Variants in SGCD observed in about 807,000 individuals in gnomAD.
The protein encoded by SGCD is delta-sarcoglycan.
In SGCD, 18 loss-of-function variants were observed where a neutral mutation model predicts 36.6. The observed-to-expected ratio is 0.49, with a 90% confidence interval of 0.34 to 0.73. SGCD has a LOEUF of 0.73. Among genes scored for constraint, SGCD ranks in the 30% least tolerant of loss-of-function variants. SGCD has a pLI of 0.01. For synonymous variants in SGCD, 133 were observed against 130.6 expected (o/e 1.02, Z -0.12); for missense variants, 387 against 346.7 (o/e 1.12, Z -0.92).
chr5:156,026,900 G>A (rs1375386507), intron 1 of SGCD, among the ~76,000 whole-genome samples: 1 of 152,088 alleles, frequency 6.6e-6, no homozygotes, highest in African/African-American at 2.4e-5. Flanking sequence ...ACTCAGCTCT[G>A]TCATTGTAGT....
chr5:156,488,088 T>A (rs1236706337), intron 3 of SGCD, among the ~76,000 whole-genome samples: 1 of 133,774 alleles, frequency 7.5e-6, no homozygotes, highest in Non-Finnish European at 1.5e-5. Flanking sequence ...ACTTCTGAAC[T>A]TGAAGACAGG....
At chr5:156,017,033 G>T (rs1478768790) in intron 1 of SGCD, among the ~76,000 whole-genome samples, 1 of 152,154 alleles carries the variant, frequency 6.6e-6, no homozygotes, top group Non-Finnish European at 1.5e-5. Context: ...ATACGAGGGT[G>T]CCTATTTTTC....
intron 3 of SGCD, among the ~76,000 whole-genome samples, chr5:156,380,263 C>T (rs1770907353): frequency 6.6e-6 from 1 of 152,174 alleles, no homozygotes; most frequent in South Asian, 2.1e-4. Context: ...ATGTACTGCA[C>T]ACCTTACCAA....
chr5:156,172,394 C>G (rs1763366561), intron 3 of SGCD, among the ~76,000 whole-genome samples: 1 of 152,236 alleles, frequency 6.6e-6, no homozygotes, highest in Admixed American at 6.5e-5. Flanking sequence ...CTGCTCTCAA[C>G]GAGGAAGTCG....
At chr5:156,396,513 A>C (rs972483158) in intron 3 of SGCD, among the ~76,000 whole-genome samples, 2 of 152,082 alleles carry the variant, frequency 1.3e-5, no homozygotes, top group African/African-American at 4.8e-5. Context: ...AAAATATTTC[A>C]TGCCCTTGTT....
intron 3 of SGCD, among the ~76,000 whole-genome samples, chr5:156,505,031 G>A (rs542569323): frequency 2.0e-5 from 3 of 152,192 alleles, no homozygotes; most frequent in Non-Finnish European, 4.4e-5. Context: ...TCAGTTTATC[G>A]AAGTCAGGTT....
At chr5:156,592,045 T>G (rs1325160204) in intron 5 of SGCD, among the ~76,000 whole-genome samples, 2 of 152,196 alleles carry the variant, frequency 1.3e-5, no homozygotes, top group African/African-American at 2.4e-5. Context: ...TGTTCTCTGA[T>G]TGCTGAAGCA....
chr5:156,142,339 A>G (rs1334387917), intron 3 of SGCD, among the ~76,000 whole-genome samples: 6 of 152,208 alleles, frequency 3.9e-5, no homozygotes, highest in Non-Finnish European at 5.9e-5. Context: ...CTTTACAACA[A>G]TGTGAGAACA....
At chr5:156,173,902 G>C (rs1422196717) in intron 3 of SGCD, among the ~76,000 whole-genome samples, 2 of 151,848 alleles carry the variant, frequency 1.3e-5, no homozygotes, top group Non-Finnish European at 2.9e-5. Flanking sequence ...TATTGCACCT[G>C]CAATTACTAA....
chr5:156,685,151 G>A (rs1298459024), intron 7 of SGCD, among the ~76,000 whole-genome samples: 1 of 152,132 alleles, frequency 6.6e-6, no homozygotes, highest in South Asian at 2.1e-4. Context: ...AGGGGCAGAT[G>A]CTGAAAGGAA....
chr5:156,539,206 A>G (rs2113139695), intron 4 of SGCD, among the ~76,000 whole-genome samples: 1 of 152,148 alleles, frequency 6.6e-6, no homozygotes, highest in South Asian at 2.1e-4. Context: ...CCCTCTTTAC[A>G]TGAGTTGCAA....
In SGCD at chr5:156,280,891, A is replaced by G. The variant is rs549085006; in HGVS notation, c.-43-48643A>G. ...TTTCCCACTGCATTGTATTAATCGG[A>G]ATAAAAGTCATTATTAGAGCAAACC... is the stretch of plus-strand genomic sequence containing the variant. On this transcript the variant is annotated intron_variant, in intron 3 of 9. Transcript: ENST00000517913. Among the ~76,000 whole-genome samples, 4 of 152,306 alleles carry G rather than the reference A, an allele frequency of 2.6e-5. No homozygotes were observed. The South Asian group carries it at 8.3e-4, about 32-fold the overall frequency.
At chr5:156,199,606 T>C (rs1383802201) in intron 3 of SGCD, among the ~76,000 whole-genome samples, 1 of 152,148 alleles carries the variant, frequency 6.6e-6, no homozygotes, top group African/African-American at 2.4e-5. Flanking sequence ...TCTTTTGGCT[T>C]TCTCTGCTTT....
At chr5:156,424,762 A>G (rs1347856487) in intron 3 of SGCD, among the ~76,000 whole-genome samples, 2 of 152,062 alleles carry the variant, frequency 1.3e-5, no homozygotes, top group African/African-American at 4.8e-5. Flanking sequence ...GCTAAGCACA[A>G]TCAGCAGAGG....
chr5:156,145,617 C>G (rs1762691502), intron 3 of SGCD, among the ~76,000 whole-genome samples: 1 of 151,808 alleles, frequency 6.6e-6, no homozygotes, highest in African/African-American at 2.4e-5. Flanking sequence ...GAAAGCCTCC[C>G]AAAAAAGTTG....
At chr5:156,076,329 T>C (rs960325647) in intron 1 of SGCD, among the ~76,000 whole-genome samples, 10 of 152,166 alleles carry the variant, frequency 6.6e-5, no homozygotes, top group African/African-American at 2.2e-4. Context: ...TGTTTCACTT[T>C]CTAAGAGTTG....
chr5:156,156,546 C>G (rs28532765), intron 3 of SGCD, among the ~76,000 whole-genome samples: 8,943 of 151,512 alleles, frequency 0.059, 584 homozygotes, highest in African/African-American at 0.13. Flanking sequence ...ATCGCTTGAG[C>G]TAGGGAGACG....
intron 1 of SGCD, among the ~76,000 whole-genome samples, chr5:155,998,639 G>A (rs1366968475): frequency 6.6e-6 from 1 of 152,172 alleles, no homozygotes; most frequent in African/African-American, 2.4e-5. Context: ...TGTAGGGCTG[G>A]CCATTCGGAT....
chr5:156,749,866 C>A (rs1426283268), intron 7 of SGCD, among the ~76,000 whole-genome samples: 2 of 151,970 alleles, frequency 1.3e-5, no homozygotes, highest in African/African-American at 4.8e-5. Context: ...CTTTCATAAA[C>A]AATTCTGGAT....
Sources: allele counts gnomAD v4.1 joint callset (sites outside exome capture counted in the v4.1 genomes callset), GRCh38; gene constraint gnomAD v4.1.1; transcripts MANE v1.5; gene names NCBI Gene and HGNC (gene_info 2026-07-23, HGNC 2026-07-21).